The following KLF13 variants were observed in gnomAD, a reference collection of about 807,000 sequenced individuals.
KLF13 encodes the protein Krueppel-like factor 13.
A neutral mutation model predicts 16.7 loss-of-function variants in KLF13; 8 were observed. The ratio of observed to expected loss-of-function variants is 0.48; its 90% CI spans 0.28 to 0.87. The LOEUF is 0.87. Ranked by LOEUF, KLF13 falls within the 40% of genes least tolerant of loss-of-function variation. The pLI, the probability that KLF13 is intolerant of heterozygous loss-of-function variation, is 0.10. For missense variants in KLF13, 447 were observed against 452.2 expected (o/e 0.99, Z 0.10); for synonymous variants, 245 against 208.4 (o/e 1.18, Z -1.51).
chr15:31,404,673 A>G (rs983327927), exon 3 of KLF13: 2 of 152,272 alleles, frequency 1.3e-5, no homozygotes, highest in African/African-American at 2.4e-5. Flanking sequence ...CTGGGTCCCC[A>G]TCCCTGTTGT....
chr15:31,397,565 A>G (rs1044378247), intron 2 of KLF13, among the ~76,000 whole-genome samples: 1 of 152,238 alleles, frequency 6.6e-6, no homozygotes, highest in East Asian at 1.9e-4. Context: ...CTTTGGGGTC[A>G]GGGCTGCCTC....
At chr15:31,425,704 C>T (rs938034970) in intron 1 of KLF13, among the ~76,000 whole-genome samples, 4 of 152,022 alleles carry the variant, frequency 2.6e-5, no homozygotes, top group African/African-American at 9.7e-5. Flanking sequence ...TGGTAAAACC[C>T]CGTCTCTACT....
At chr15:31,429,184 A>C (rs2040437938) in intron 1 of KLF13, among the ~76,000 whole-genome samples, 1 of 135,940 alleles carries the variant, frequency 7.4e-6, no homozygotes, top group African/African-American at 3.7e-5. Context: ...GCAGCAGGGA[A>C]AGGACAGCGT....
chr15:31,368,118 A>G (rs546513814), intron 1 of KLF13, among the ~76,000 whole-genome samples: 1 of 150,934 alleles, frequency 6.6e-6, no homozygotes, highest in South Asian at 2.1e-4. Flanking sequence ...ACCTGATTAC[A>G]TCTGCAAAGA....
intron 1 of KLF13, among the ~76,000 whole-genome samples, chr15:31,409,937 CATAA>C (rs2040171957): frequency 6.6e-6 from 1 of 151,964 alleles, no homozygotes. Flanking sequence ...TACAGAAAAA[CATAA>C]AGCATTCTGG....
intron 2 of KLF13, among the ~76,000 whole-genome samples, chr15:31,398,463 GC>G (rs1169356544): frequency 6.6e-6 from 1 of 152,176 alleles, no homozygotes; most frequent in African/African-American, 2.4e-5. Flanking sequence ...TGGCCCTGGG[GC>G]CAACCCCGCA....
chr15:31,372,005 C>G lies in KLF13; in HGVS notation c.578-5C>G. On this transcript the variant is annotated splice_polypyrimidine_tract_variant and splice_region_variant and intron_variant, in intron 1 of 1. Coordinates refer to ENST00000307145, the MANE Select transcript of KLF13 (RefSeq NM_015995.4). ...GATACTGATGCTCTGCCCCTGTGCC[C>G]ACAGGTGAGAGGCCCTTCGCCTGCA... 1 of 1,598,608 alleles carries G rather than the reference C, an allele frequency of 6.3e-7. No homozygotes were observed. The highest frequency in any genetic ancestry group is 8.5e-7 in the Non-Finnish European group (1 of 1,173,176).
At chr15:31,434,484 G>A (rs2040507020) in intron 1 of KLF13, among the ~76,000 whole-genome samples, 1 of 152,138 alleles carries the variant, frequency 6.6e-6, no homozygotes, top group South Asian at 2.1e-4. Context: ...CCAGAGTTGG[G>A]GTGTGGAAAG....
intron 2 of KLF13, among the ~76,000 whole-genome samples, chr15:31,394,497 A>G (rs935718557): frequency 1.1e-4 from 16 of 152,048 alleles, no homozygotes; most frequent in Non-Finnish European, 2.2e-4. Flanking sequence ...AAGAAAAAAA[A>G]AAAAAAGAAA....
At chr15:31,353,504 T>G (rs1240551719) in intron 1 of KLF13, among the ~76,000 whole-genome samples, 1 of 152,222 alleles carries the variant, frequency 6.6e-6, no homozygotes, top group East Asian at 1.9e-4. Flanking sequence ...TTGGGCTGCT[T>G]CCAGATCTGT....
rs2039618859 is a variant in KLF13, at chr15:31,374,905, A to C, written c.*2606A>C. ...TTGGCTGTTTCCAAAGAGAGCACTT[A>C]ATTTAATTTTTCCTTTAAATGACCC... On this transcript the variant is annotated 3_prime_UTR_variant, in exon 2 of 2. Coordinates refer to ENST00000307145, the MANE Select transcript of KLF13 (RefSeq NM_015995.4). 6.6e-6 allele frequency: 1 copy of C among 152,352 alleles called. No individual in the cohort carries two copies. The allele number at this position is 152,352 out of a possible 1,614,324, so 9.4% of individuals were successfully genotyped here. A position where few individuals can be genotyped will look rare whatever the true frequency, so the allele number is the denominator to read the frequency against.
chr15:31,427,161 G>A lies in KLF13; in HGVS notation n.118-8209G>A, dbSNP rs113909834. 5.5e-3 allele frequency among the ~76,000 whole-genome samples: 839 copies of A among 152,100 alleles called. 8 individuals carry two copies. Among genetic ancestry groups the A allele is most frequent in the South Asian group, 0.02 (95 of 4,818 alleles). ...TCTCACTCTCCATAATCATGTAAGC[G>A]AGTTCCCCTAATAAATCCCCCATCT... On this transcript the variant is annotated intron_variant and non_coding_transcript_variant, in intron 1 of 1. Transcript: ENST00000558225.
At position 31,432,212 on chromosome 15, in the gene KLF13, T is replaced by C. The variant is rs186878313; in HGVS notation, n.118-3158T>C. ...TGGAAGGGGAAGTGAAGTTGAGAATTTTTTTTCCTGGAGCTCTTGCACTGG... is the reference window on the plus strand; with the variant it reads ...TGGAAGGGGAAGTGAAGTTGAGAATCTTTTTTCCTGGAGCTCTTGCACTGG... On this transcript the variant is annotated intron_variant and non_coding_transcript_variant, in intron 1 of 1. Coordinates refer to the KLF13 transcript ENST00000558225. Among the ~76,000 whole-genome samples, 18 of 152,156 alleles carry C rather than the reference T, an allele frequency of 1.2e-4. 2 individuals are homozygous for C. The highest frequency in any genetic ancestry group is 4.1e-4 in the African/African-American group (17 of 41,480).
intron 1 of KLF13, among the ~76,000 whole-genome samples, chr15:31,330,053 G>T (rs935262306): frequency 7.6e-4 from 115 of 152,302 alleles, no homozygotes; most frequent in African/African-American, 2.7e-3. Context: ...CCCCTGGGAA[G>T]CCCATTTCCA....
Position 31,327,148 on chromosome 15 carries a change from C to G in KLF13, c.-65C>G. On this transcript the variant is annotated 5_prime_UTR_variant, in exon 1 of 2. Transcript: ENST00000307145. ...CGCCCCCCGCCCGCTCTCCCGAGGC[C>G]GTGGGTGCGGATGCGCGGCTGACGA... 1 of 1,240,364 alleles carries G rather than the reference C, an allele frequency of 8.1e-7. No homozygotes were observed. The highest frequency in any genetic ancestry group is 2.4e-5 in the South Asian group (1 of 42,168). 76.8% of individuals were successfully genotyped at this position (1,240,364 alleles called of 1,614,324 possible).
intron 1 of KLF13, among the ~76,000 whole-genome samples, chr15:31,415,718 T>C (rs2040247004): frequency 6.6e-6 from 1 of 151,902 alleles, no homozygotes; most frequent in South Asian, 2.1e-4. Flanking sequence ...CTCTAACCTT[T>C]CACCTTAAGA....
At chr15:31,337,885 C>T (rs2038957176) in intron 1 of KLF13, among the ~76,000 whole-genome samples, 1 of 152,182 alleles carries the variant, frequency 6.6e-6, no homozygotes, top group Admixed American at 6.5e-5. Flanking sequence ...TGCAGGATAC[C>T]ATCTTTTATC....
intron 1 of KLF13, among the ~76,000 whole-genome samples, chr15:31,354,426 G>A (rs891154610): frequency 6.6e-6 from 1 of 152,174 alleles, no homozygotes; most frequent in Non-Finnish European, 1.5e-5. Flanking sequence ...TGTTGCCCAG[G>A]CTGGAGTGCA....
chr15:31,358,500 A>G (rs565367189), intron 1 of KLF13, among the ~76,000 whole-genome samples: 3 of 152,352 alleles, frequency 2.0e-5, no homozygotes, highest in African/African-American at 7.2e-5. Context: ...CATAATAACA[A>G]ATGACACTGA....
Sources: gnomAD v4.1 joint callset for allele counts (sites outside exome capture counted in the v4.1 genomes callset) on GRCh38, gnomAD v4.1.1 for gene constraint, MANE v1.5 for transcripts, NCBI Gene and HGNC (gene_info 2026-07-23, HGNC 2026-07-21) for gene names.